The following TNRC18 variants were observed in gnomAD, a reference collection of about 807,000 sequenced individuals.
The protein encoded by TNRC18 is trinucleotide repeat-containing gene 18 protein.
TNRC18 carries 69 observed loss-of-function variants against 226.7 expected under a neutral mutation model. The ratio of observed to expected loss-of-function variants is 0.30; its 90% CI spans 0.25 to 0.37. The LOEUF (loss-of-function observed/expected upper bound fraction) is 0.37, where lower values mean the gene tolerates loss of function less well. Among genes scored for constraint, TNRC18 ranks in the 10% least tolerant of loss-of-function variants. The probability of loss-of-function intolerance (pLI) is 1.00; values close to 1 mark genes in which losing one functional copy is unlikely to be tolerated. For missense variants in TNRC18, 4,754 were observed against 4,256.6 expected (o/e 1.12, Z -3.25); for synonymous variants, 2,449 against 1,927.6 (o/e 1.27, Z -7.09).
At chr7:5,347,494 C>CA (rs1554280437) in intron 17 of TNRC18, among the ~76,000 whole-genome samples, 13 of 104,984 alleles carry the variant, frequency 1.2e-4, no homozygotes, top group African/African-American at 4.7e-4. Flanking sequence ...CCACACCCAG[C>CA]CCCCCCGCAA....
chr7:5,353,888 G>A (rs1465973163), intron 16 of TNRC18, among the ~76,000 whole-genome samples: 2 of 152,178 alleles, frequency 1.3e-5, no homozygotes, highest in Non-Finnish European at 2.9e-5. Context: ...ACACAGGCAC[G>A]ATGGAGTGAA....
At chr7:5,332,161 G>A (rs1789589226) in intron 19 of TNRC18, among the ~76,000 whole-genome samples, 1 of 152,196 alleles carries the variant, frequency 6.6e-6, no homozygotes, top group Non-Finnish European at 1.5e-5. Flanking sequence ...GGGTGGTCAA[G>A]CATGGTGGCT....
chr7:5,372,142 A>G (rs181323222), intron 10 of TNRC18, among the ~76,000 whole-genome samples: 17 of 151,216 alleles, frequency 1.1e-4, no homozygotes, highest in Non-Finnish European at 5.9e-5. Flanking sequence ...ATCGCGGCTC[A>G]CTACAAGCTC....
At chr7:5,349,904 T>C (rs1791604329) in intron 17 of TNRC18, among the ~76,000 whole-genome samples, 1 of 152,104 alleles carries the variant, frequency 6.6e-6, no homozygotes, top group African/African-American at 2.4e-5. Context: ...AGGGGGGCAC[T>C]GAGGAGCCTG....
chr7:5,375,785 C>T (rs577768157), intron 9 of TNRC18, among the ~76,000 whole-genome samples: 35 of 152,302 alleles, frequency 2.3e-4, no homozygotes, highest in South Asian at 1.7e-3. Context: ...TTCCTCCTCG[C>T]TCCTGCACCC....
chr7:5,412,568 A>G (rs965469875), intron 2 of TNRC18, among the ~76,000 whole-genome samples: 1 of 152,006 alleles, frequency 6.6e-6, no homozygotes, highest in Non-Finnish European at 1.5e-5. Flanking sequence ...AGAGCGAGAC[A>G]CTGTCTCAAA....
intron 18 of TNRC18, among the ~76,000 whole-genome samples, chr7:5,343,954 CAA>C (rs1471434818): frequency 1.3e-5 from 2 of 152,110 alleles, no homozygotes; most frequent in Non-Finnish European, 2.9e-5. Context: ...AAGAAAATAA[CAA>C]AGAGTAGAAA....
At chr7:5,378,609 G>T (rs192541605) in intron 5 of TNRC18, among the ~76,000 whole-genome samples, 1 of 151,534 alleles carries the variant, frequency 6.6e-6, no homozygotes, top group Non-Finnish European at 1.5e-5. Flanking sequence ...TAGTAGAGAC[G>T]GGGCTTCACC....
chr7:5,324,770 G>A lies in TNRC18; in HGVS notation c.6300+326C>T, dbSNP rs191034714. 5.0e-4 allele frequency among the ~76,000 whole-genome samples: 76 copies of A among 152,266 alleles called. 1 individual carries two copies. In the East Asian group the frequency reaches 0.014, roughly 28 times the overall value. On this transcript the variant is annotated intron_variant, in intron 20 of 29. Coordinates refer to ENST00000430969, the MANE Select transcript of TNRC18 (RefSeq NM_001080495.3). The surrounding 1 kb of genome is among the most constrained non-coding windows in gnomAD (Gnocchi z 4.8). The stretch of plus-strand genomic sequence containing the variant: ...GTGGGGAGTGGACATGCCATCATCT[G>A]CCACTCGGGCAGATTCACCCAAGCC...
At chr7:5,333,798 G>A (rs934935474) in intron 18 of TNRC18, among the ~76,000 whole-genome samples, 1 of 152,144 alleles carries the variant, frequency 6.6e-6, no homozygotes, top group Non-Finnish European at 1.5e-5. Context: ...CCTTCAGAAG[G>A]AGACCCACCC....
intron 14 of TNRC18, among the ~76,000 whole-genome samples, 170 bp downstream of exon 14, chr7:5,361,424 T>C (rs1280998470): frequency 6.6e-6 from 1 of 152,154 alleles, no homozygotes; most frequent in Non-Finnish European, 1.5e-5. Flanking sequence ...CCTCGCTCCC[T>C]CCTGGCCCGG....
At chr7:5,337,377 G>A (rs773678186) in intron 18 of TNRC18, among the ~76,000 whole-genome samples, 2 of 152,026 alleles carry the variant, frequency 1.3e-5, no homozygotes, top group Non-Finnish European at 2.9e-5. Context: ...CCAACTACTC[G>A]GGAGGCTGAG....
chr7:5,381,743 A>G (rs1340953534), intron 5 of TNRC18, among the ~76,000 whole-genome samples: 1 of 152,332 alleles, frequency 6.6e-6, no homozygotes, highest in East Asian at 1.9e-4. Context: ...AGGTGGGCAG[A>G]CCACCCAAGG....
chr7:5,344,085 T>C (rs1790931246), intron 18 of TNRC18, among the ~76,000 whole-genome samples: 1 of 152,168 alleles, frequency 6.6e-6, no homozygotes, highest in South Asian at 2.1e-4. Context: ...CAACGCAGAA[T>C]AAAGGAATAA....
chr7:5,384,312 G>C (rs745626343), intron 5 of TNRC18, among the ~76,000 whole-genome samples: 2 of 152,054 alleles, frequency 1.3e-5, no homozygotes, highest in Admixed American at 6.6e-5. Flanking sequence ...GGTCGCCCAG[G>C]CTGGCCTCAA....
intron 17 of TNRC18, 113 bp downstream of exon 17, chr7:5,351,706 G>C: frequency 2.4e-6 from 3 of 1,243,112 alleles, no homozygotes; most frequent in Non-Finnish European, 2.2e-6. Context: ...CCATCCGCAC[G>C]GGCCTCCTCA....
intron 13 of TNRC18, 32 bp from the exon 14 acceptor site, chr7:5,361,754 C>T: frequency 6.4e-7 from 1 of 1,554,672 alleles, no homozygotes; most frequent in Non-Finnish European, 8.7e-7. Flanking sequence ...GGCTGTGACG[C>T]TGGGGGGCGG....
At chr7:5,327,132 A>G (rs1408273518) in intron 19 of TNRC18, among the ~76,000 whole-genome samples, 1 of 152,232 alleles carries the variant, frequency 6.6e-6, no homozygotes, top group Non-Finnish European at 1.5e-5. Flanking sequence ...CAAAAAACAA[A>G]CAAACAACAA....
chr7:5,344,494 G>A (rs983813272), intron 18 of TNRC18, among the ~76,000 whole-genome samples: 2 of 152,284 alleles, frequency 1.3e-5, no homozygotes, highest in East Asian at 3.9e-4. Context: ...AGGGTCTGGA[G>A]CCTGGCGTGG....
Sources: allele counts gnomAD v4.1 joint callset (sites outside exome capture counted in the v4.1 genomes callset), GRCh38; gene constraint gnomAD v4.1.1; non-coding constraint Gnocchi (gnomAD v3.1); transcripts MANE v1.5; gene names NCBI Gene and HGNC (gene_info 2026-07-23, HGNC 2026-07-21).